The following PLCZ1 variants were observed in gnomAD, a reference collection of about 807,000 sequenced individuals.
PLCZ1 encodes 1-phosphatidylinositol 4,5-bisphosphate phosphodiesterase zeta-1.
Under a neutral mutation model 76.8 loss-of-function variants are expected in PLCZ1, and 64 were observed. That is an observed-to-expected ratio of 0.83 (90% CI 0.68 to 1.03). The LOEUF (loss-of-function observed/expected upper bound fraction) is 1.03. Among genes scored for constraint, PLCZ1 ranks in the 50% least tolerant of loss-of-function variants. The pLI is 0.00. For synonymous variants in PLCZ1, 248 were observed against 230.8 expected (o/e 1.07, Z -0.68); for missense variants, 751 against 713.7 (o/e 1.05, Z -0.60).
At chr12:18,645,776 A>G in the PLCZ1 span, among the ~76,000 whole-genome samples, 1 of 152,202 alleles carries the variant, frequency 6.6e-6, no homozygotes, top group Non-Finnish European at 1.5e-5. Flanking sequence ...CACACAGTTG[A>G]CAACAGATTC....
chr12:18,723,533 T>G lies in PLCZ1; in HGVS notation c.145A>C (p.Arg49=). ...ATGGTGATTCTTCCTTGTTTCAGCC[T>G]GTCATTGTCCTACTAAAAAAATGAC... ...HVKQIFKDND[R]LKQGRITIEE... Residue 49 remains arginine, a synonymous_variant, in exon 4 of 15, where the codon AGG becomes CGG. Coordinates refer to ENST00000266505, the MANE Select transcript of PLCZ1 (RefSeq NM_033123.4). 1 of 1,611,736 alleles carries G rather than the reference T, an allele frequency of 6.2e-7. No homozygotes were observed. Among genetic ancestry groups the G allele is most frequent in the Non-Finnish European group, 8.5e-7 (1 of 1,178,986 alleles).
chr12:18,724,031 A>G (rs887801504), intron 3 of PLCZ1, among the ~76,000 whole-genome samples: 1 of 152,124 alleles, frequency 6.6e-6, no homozygotes, highest in Non-Finnish European at 1.5e-5. Flanking sequence ...TACAAACAAG[A>G]TGAGTTCCAA....
At chr12:18,730,250 TA>T (rs34284369) in intron 3 of PLCZ1, among the ~76,000 whole-genome samples, 9,212 of 152,092 alleles carry the variant, frequency 0.061, 325 homozygotes, top group African/African-American at 0.094. Flanking sequence ...GAGAAAAAAT[TA>T]GCAACAAGAG....
At chr12:18,650,744 ATATATATATATATATATATAT>A in the PLCZ1 span, among the ~76,000 whole-genome samples, 1 of 41,954 alleles carries the variant, frequency 2.4e-5, no homozygotes, top group African/African-American at 1.5e-4. Flanking sequence ...ATATATATAT[ATATATATATATATATATATAT>A]TCCAGTCCAT....
At chr12:18,659,242 T>A in the PLCZ1 span, among the ~76,000 whole-genome samples, 21 of 152,192 alleles carry the variant, frequency 1.4e-4, no homozygotes, top group Admixed American at 3.9e-4. Context: ...ACCTTTACCA[T>A]CTTATTTAAT....
the PLCZ1 span, among the ~76,000 whole-genome samples, chr12:18,667,371 G>A: frequency 5.9e-5 from 9 of 152,188 alleles, no homozygotes; most frequent in Admixed American, 5.9e-4. Context: ...AAACTGATGG[G>A]CACCTGGTGG....
At chr12:18,698,677 T>C (rs923663468) in intron 10 of PLCZ1, among the ~76,000 whole-genome samples, 4 of 152,164 alleles carry the variant, frequency 2.6e-5, no homozygotes, top group Non-Finnish European at 5.9e-5. Context: ...AATATATTTA[T>C]GGAGTACACG....
the PLCZ1 span, among the ~76,000 whole-genome samples, chr12:18,656,865 A>G: frequency 6.6e-6 from 1 of 152,218 alleles, no homozygotes; most frequent in Non-Finnish European, 1.5e-5. Flanking sequence ...CTTAATCAAG[A>G]AAAGAGAGTT....
intron 3 of PLCZ1, among the ~76,000 whole-genome samples, chr12:18,724,815 T>G (rs1340830618): frequency 1.3e-5 from 2 of 152,134 alleles, no homozygotes; most frequent in East Asian, 3.9e-4. Context: ...AATGTGCCCG[T>G]AATCCCTGAA....
intron 5 of PLCZ1, among the ~76,000 whole-genome samples, chr12:18,717,366 T>C (rs1160404896): frequency 6.6e-6 from 1 of 152,178 alleles, no homozygotes; most frequent in Non-Finnish European, 1.5e-5. Flanking sequence ...TTACTTAGAT[T>C]TGAAATTAGA....
At chr12:18,736,114 T>C (rs1000423921) in intron 3 of PLCZ1, 107 bp downstream of exon 3, 1 of 1,286,908 alleles carries the variant, frequency 7.8e-7, no homozygotes, top group Non-Finnish European at 1.1e-6. Context: ...ATAGTTAGTA[T>C]AATTAATTGC....
chr12:18,720,843 T>C (rs1167167760), intron 4 of PLCZ1, among the ~76,000 whole-genome samples: 2 of 151,984 alleles, frequency 1.3e-5, no homozygotes, highest in African/African-American at 2.4e-5. Flanking sequence ...CAAAATATGA[T>C]ACAATACTAA....
At chr12:18,727,781 A>G (rs191972876) in intron 3 of PLCZ1, among the ~76,000 whole-genome samples, 2 of 152,306 alleles carry the variant, frequency 1.3e-5, no homozygotes, top group African/African-American at 4.8e-5. Context: ...TAGAAGGTAG[A>G]TGTTGGGATT....
At chr12:18,655,182 A>G in the PLCZ1 span, among the ~76,000 whole-genome samples, 1 of 152,162 alleles carries the variant, frequency 6.6e-6, no homozygotes, top group African/African-American at 2.4e-5. Flanking sequence ...TACGGTGAAA[A>G]TATTAATCAT....
the PLCZ1 span, among the ~76,000 whole-genome samples, chr12:18,648,754 G>A: frequency 0.17 from 25,321 of 151,930 alleles, 2,619 homozygotes; most frequent in African/African-American, 0.29. Flanking sequence ...TTATTTTCCT[G>A]CTTCTGAACC....
Position 18,719,545 on chromosome 12 carries a change from T to C in PLCZ1, c.455A>G (p.Lys152Arg), listed in dbSNP as rs1351698623. ...TGGATGAGTCATATCTTGATAAACT[T>C]TTCTACATTCATTTTTAAACAGTAG... ...ECLLFKNECR[K>R]VYQDMTHPLN... Residue 152 changes from lysine to arginine, a missense_variant, in exon 5 of 15, where the codon AAA becomes AGA. Coordinates refer to ENST00000266505, the MANE Select transcript of PLCZ1 (RefSeq NM_033123.4). 6.2e-7 allele frequency: 1 copy of C among 1,600,582 alleles called. No homozygotes were observed. Among genetic ancestry groups the C allele is most frequent in the African/African-American group, 1.3e-5 (1 of 74,566 alleles).
the PLCZ1 span, among the ~76,000 whole-genome samples, chr12:18,646,736 G>C: frequency 1.3e-5 from 2 of 152,090 alleles, no homozygotes; most frequent in South Asian, 2.1e-4. Context: ...TGTGTTCTAA[G>C]ACATTTCCCT....
the PLCZ1 span, among the ~76,000 whole-genome samples, chr12:18,670,801 A>G: frequency 4.9e-3 from 748 of 152,324 alleles, 7 homozygotes; most frequent in African/African-American, 0.017. Context: ...CAATGTTTAC[A>G]TTGTCATGAA....
At chr12:18,696,064 C>G in intron 11 of PLCZ1, 86 bp downstream of exon 11, 1 of 718,736 alleles carries the variant, frequency 1.4e-6, no homozygotes, top group Non-Finnish European at 2.4e-6. Context: ...TTACAGAAAG[C>G]CCTTTTCACG....
Sources: gnomAD v4.1 joint callset for allele counts (sites outside exome capture counted in the v4.1 genomes callset) on GRCh38, gnomAD v4.1.1 for gene constraint, MANE v1.5 for transcripts, NCBI Gene and HGNC (gene_info 2026-07-23, HGNC 2026-07-21) for gene names.